The following FNIP1 variants were observed in gnomAD, a reference collection of about 807,000 sequenced individuals.
FNIP1 encodes the protein folliculin-interacting protein 1.
A neutral mutation model predicts 124.5 loss-of-function variants in FNIP1; 40 were observed. That is an observed-to-expected ratio of 0.32 (90% CI 0.25 to 0.42). The LOEUF is 0.42. FNIP1 is among the 10% of genes least tolerant of loss of function. The pLI is 1.00. For synonymous variants in FNIP1, 472 were observed against 470.6 expected, an observed-to-expected ratio of 1.00 and a Z score of -0.04; for missense variants, 1,176 against 1,403.7, an observed-to-expected ratio of 0.84 and a Z score of 2.59.
At chr5:131,718,064 C>T (rs143804625) in intron 5 of FNIP1, among the ~76,000 whole-genome samples, 14 of 151,336 alleles carry the variant, frequency 9.3e-5, no homozygotes, top group East Asian at 5.8e-4. Context: ...TGGTGGCCTG[C>T]GCCTGTAGTC....
intron 2 of FNIP1, among the ~76,000 whole-genome samples, chr5:131,737,558 C>A (rs1770355506): frequency 6.6e-6 from 1 of 152,152 alleles, no homozygotes; most frequent in African/African-American, 2.4e-5. Context: ...ATATCACTTT[C>A]TTGATCTCCC....
intron 1 of FNIP1, among the ~76,000 whole-genome samples, chr5:131,783,645 G>A (rs775585995): frequency 1.3e-5 from 2 of 151,696 alleles, no homozygotes; most frequent in Non-Finnish European, 2.9e-5. Context: ...AAAATCATGA[G>A]GTACATCACT....
intron 10 of FNIP1, among the ~76,000 whole-genome samples, chr5:131,702,853 C>T (rs907494210): frequency 2.0e-5 from 3 of 152,194 alleles, no homozygotes; most frequent in African/African-American, 7.2e-5. Flanking sequence ...AATTGAATAG[C>T]CAATCCTTTT....
intron 6 of FNIP1, 118 bp downstream of exon 6, chr5:131,716,447 A>G: frequency 1.7e-6 from 1 of 586,276 alleles, no homozygotes; most frequent in Non-Finnish European, 2.9e-6. Context: ...TCTTCCACTT[A>G]CAGTATTTGA....
chr5:131,774,321 T>C (rs755184690), intron 1 of FNIP1, among the ~76,000 whole-genome samples: 1 of 152,220 alleles, frequency 6.6e-6, no homozygotes, highest in Admixed American at 6.5e-5. Flanking sequence ...AGCCACTGCG[T>C]CTGGCCTCCT....
At chr5:131,720,683 G>A (rs1172225525) in intron 3 of FNIP1, among the ~76,000 whole-genome samples, 1 of 152,086 alleles carries the variant, frequency 6.6e-6, no homozygotes, top group Non-Finnish European at 1.5e-5. Context: ...AACTAATAAC[G>A]CAATTAAGGT....
chr5:131,721,446 T>C (rs538538258), intron 3 of FNIP1, among the ~76,000 whole-genome samples: 6 of 152,288 alleles, frequency 3.9e-5, no homozygotes, highest in South Asian at 2.1e-4. Context: ...AAACAATTCA[T>C]TGTACACTTA....
At chr5:131,686,574 CTGTAAG>C (rs1768278806) in intron 11 of FNIP1, among the ~76,000 whole-genome samples, 1 of 152,146 alleles carries the variant, frequency 6.6e-6, no homozygotes, top group Non-Finnish European at 1.5e-5. Context: ...TGTGGGTACA[CTGTAAG>C]TGTAATATAA....
chr5:131,741,684 C>A (rs188961600), intron 2 of FNIP1, among the ~76,000 whole-genome samples: 113 of 152,282 alleles, frequency 7.4e-4, no homozygotes, highest in South Asian at 6.2e-3. Flanking sequence ...GAATTATGAT[C>A]ATCTATAATC....
intron 6 of FNIP1, among the ~76,000 whole-genome samples, chr5:131,713,087 C>T (rs1032856245): frequency 2.0e-4 from 31 of 151,956 alleles, no homozygotes; most frequent in African/African-American, 6.8e-4. Context: ...GACGGAGTCT[C>T]GCTCAGGCTG....
chr5:131,690,635 A>C (rs1768448017), intron 11 of FNIP1, among the ~76,000 whole-genome samples: 1 of 152,160 alleles, frequency 6.6e-6, no homozygotes, highest in South Asian at 2.1e-4. Context: ...CTGAACTGTG[A>C]ATCAATTAAA....
chr5:131,790,404 A>T (rs1331745668), intron 1 of FNIP1, among the ~76,000 whole-genome samples: 1 of 143,806 alleles, frequency 7.0e-6, no homozygotes, highest in Non-Finnish European at 1.5e-5. Context: ...GCTTAAGCCC[A>T]GGAGGCGGAG....
At chr5:131,705,971 A>T (rs1339093811) in intron 9 of FNIP1, among the ~76,000 whole-genome samples, 1 of 152,210 alleles carries the variant, frequency 6.6e-6, no homozygotes, top group Non-Finnish European at 1.5e-5. Flanking sequence ...TGAAAACATT[A>T]TGCTAAATGA....
At chr5:131,740,500 T>C (rs918345420) in intron 2 of FNIP1, among the ~76,000 whole-genome samples, 1 of 152,238 alleles carries the variant, frequency 6.6e-6, no homozygotes, top group East Asian at 1.9e-4. Context: ...TGAATGGTCA[T>C]ATAACTTAAC....
chr5:131,772,420 CAA>C (rs10579529), intron 1 of FNIP1, among the ~76,000 whole-genome samples: 8,347 of 144,806 alleles, frequency 0.058, 373 homozygotes, highest in African/African-American at 0.13. Context: ...AAATTCAAAC[CAA>C]AAAAAAAAAA....
At chr5:131,702,915 T>C (rs535630041) in intron 10 of FNIP1, among the ~76,000 whole-genome samples, 6 of 152,190 alleles carry the variant, frequency 3.9e-5, no homozygotes, top group Non-Finnish European at 5.9e-5. Flanking sequence ...AATGTTAAAA[T>C]GCACCACAAC....
intron 1 of FNIP1, among the ~76,000 whole-genome samples, chr5:131,778,080 C>A (rs943483422): frequency 2.6e-5 from 4 of 152,132 alleles, no homozygotes; most frequent in Admixed American, 2.6e-4. Context: ...CTGGTACTTT[C>A]TGTTTTTTTG....
intron 1 of FNIP1, among the ~76,000 whole-genome samples, chr5:131,778,288 T>C (rs1437809356): frequency 1.3e-5 from 2 of 152,150 alleles, no homozygotes; most frequent in Non-Finnish European, 2.9e-5. Flanking sequence ...ATCAAGCCTC[T>C]AGATCTAACT....
chr5:131,688,403 T>C (rs969281567), intron 11 of FNIP1, among the ~76,000 whole-genome samples: 1 of 151,780 alleles, frequency 6.6e-6, no homozygotes, highest in Admixed American at 6.6e-5. Flanking sequence ...TAAAACTTCA[T>C]ACTAAAATCT....
Sources: gnomAD v4.1 joint callset for allele counts (sites outside exome capture counted in the v4.1 genomes callset) on GRCh38, gnomAD v4.1.1 for gene constraint, MANE v1.5 for transcripts, NCBI Gene and HGNC (gene_info 2026-07-23, HGNC 2026-07-21) for gene names.